IQCM: variants seen among roughly 807,000 people sequenced by gnomAD.
IQCM encodes the protein IQ motif containing M, also known as IQ domain-containing protein M.
In IQCM, 45 loss-of-function variants were observed where a neutral mutation model predicts 57.6. The observed-to-expected ratio is 0.78, with a 90% CI of 0.62 to 1.00. The LOEUF is 1.00. Ranked by LOEUF, IQCM falls within the 50% of genes least tolerant of loss-of-function variation. The pLI is 0.00. For synonymous variants in IQCM, 148 were observed against 158.9 expected, an observed-to-expected ratio of 0.93 and a Z score of 0.51; for missense variants, 468 against 511.6, an observed-to-expected ratio of 0.91 and a Z score of 0.82.
intron 5 of IQCM, among the ~76,000 whole-genome samples, chr4:149,716,535 G>A (rs1217134136): frequency 1.3e-5 from 2 of 152,156 alleles, no homozygotes; most frequent in Non-Finnish European, 2.9e-5. Context: ...ATCCTCCAAC[G>A]CGGAAGAGGG....
chr4:149,429,404 T>C (rs1479354407), intron 13 of IQCM, among the ~76,000 whole-genome samples: 1 of 151,936 alleles, frequency 6.6e-6, no homozygotes, highest in Non-Finnish European at 1.5e-5. Context: ...AGAAATTCTT[T>C]GTGCCTATTA....
intron 13 of IQCM, among the ~76,000 whole-genome samples, chr4:149,355,654 T>G (rs975643227): frequency 1.3e-5 from 2 of 152,216 alleles, no homozygotes; most frequent in African/African-American, 4.8e-5. Context: ...TGTTGCACAT[T>G]TGGGTTGATT....
At chr4:149,795,648 A>G (rs1002126908) in intron 2 of IQCM, among the ~76,000 whole-genome samples, 6 of 152,138 alleles carry the variant, frequency 3.9e-5, no homozygotes, top group African/African-American at 1.4e-4. Context: ...CAGAGCTCCT[A>G]CCTCCAAAAG....
rs1022698896 is a variant in IQCM, at chr4:149,789,241, G to A, written c.-49+26070C>T. On this transcript the variant is annotated intron_variant, in intron 2 of 13. Transcript: ENST00000636793. ...CTTGACCATTAGGTATTCTATGCAC[G>A]CAACAAAATATCACATGGACCCCAT... Among the ~76,000 whole-genome samples, 7 of 152,034 alleles carry A rather than the reference G, an allele frequency of 4.6e-5. No individual in the cohort carries two copies. In the East Asian group the frequency reaches 5.8e-4, roughly 13 times the overall value.
intron 2 of IQCM, among the ~76,000 whole-genome samples, chr4:149,782,055 C>A (rs1771652223): frequency 6.6e-6 from 1 of 152,130 alleles, no homozygotes; most frequent in South Asian, 2.1e-4. Context: ...ACAGCCCTAA[C>A]ACTTATTTGC....
At chr4:149,717,271 G>A (rs916800951) in intron 5 of IQCM, among the ~76,000 whole-genome samples, 1 of 152,088 alleles carries the variant, frequency 6.6e-6, no homozygotes, top group African/African-American at 2.4e-5. Flanking sequence ...CTCAACCTAT[G>A]GGATCTGATG....
intron 2 of IQCM, among the ~76,000 whole-genome samples, chr4:149,765,564 G>T (rs1367793455): frequency 1.3e-5 from 2 of 151,892 alleles, no homozygotes; most frequent in East Asian, 1.9e-4. Flanking sequence ...AGTCCCTTCT[G>T]GTTGGGGACT....
intron 12 of IQCM, among the ~76,000 whole-genome samples, chr4:149,495,042 A>G (rs1401654608): frequency 1.3e-5 from 2 of 152,062 alleles, no homozygotes; most frequent in Non-Finnish European, 2.9e-5. Context: ...TTAGCGGAGA[A>G]AGTAAGAAAA....
chr4:149,710,155 C>CTA (rs1292071547), intron 5 of IQCM, among the ~76,000 whole-genome samples: 2 of 152,028 alleles, frequency 1.3e-5, no homozygotes, highest in East Asian at 1.9e-4. Context: ...TAATTATGCC[C>CTA]TATAAGTAAA....
At chr4:149,371,797 T>C (rs985206131) in intron 13 of IQCM, among the ~76,000 whole-genome samples, 3 of 152,174 alleles carry the variant, frequency 2.0e-5, no homozygotes, top group Admixed American at 2.0e-4. Flanking sequence ...ACTGAAGAGA[T>C]AAAACATTGC....
chr4:149,607,597 A>G (rs540335721), intron 8 of IQCM, among the ~76,000 whole-genome samples: 14 of 152,170 alleles, frequency 9.2e-5, no homozygotes, highest in African/African-American at 3.4e-4. Context: ...TAAATAATAT[A>G]AAAGATAAAT....
At chr4:149,363,474 G>A (rs1048972165) in intron 13 of IQCM, among the ~76,000 whole-genome samples, 5 of 152,160 alleles carry the variant, frequency 3.3e-5, no homozygotes, top group Admixed American at 2.0e-4. Flanking sequence ...AGACAGCAGA[G>A]ATTGTGACTA....
Position 149,723,271 on chromosome 4 carries a change from G to A in IQCM, c.385+9973C>T, listed in dbSNP as rs148493338. Among the ~76,000 whole-genome samples, 391 of 151,878 alleles carry A rather than the reference G, an allele frequency of 2.6e-3. 2 individuals are homozygous for A. Among genetic ancestry groups the A allele is most frequent in the Admixed American group, 6.7e-3 (102 of 15,248 alleles). ...ACTTCCTCTTTTCTAATTTGGATGC[G>A]TCTTATTTCTTTCTCTTGCCTGATT... is the stretch of plus-strand genomic sequence containing the variant. On this transcript the variant is annotated intron_variant, in intron 5 of 13. Coordinates refer to ENST00000636793, the MANE Select transcript of IQCM (RefSeq NM_001363507.2).
At chr4:149,358,343 G>A (rs1362687717) in intron 13 of IQCM, among the ~76,000 whole-genome samples, 1 of 152,160 alleles carries the variant, frequency 6.6e-6, no homozygotes, top group African/African-American at 2.4e-5. Flanking sequence ...ATGTTAGGGT[G>A]TCGATTTTAG....
chr4:149,682,671 T>C (rs1023579972), intron 6 of IQCM, among the ~76,000 whole-genome samples: 2 of 151,206 alleles, frequency 1.3e-5, no homozygotes, highest in Non-Finnish European at 3.0e-5. Flanking sequence ...TACCCTGATA[T>C]TTTAGTAATA....
intron 13 of IQCM, among the ~76,000 whole-genome samples, chr4:149,390,655 A>G (rs996071788): frequency 7.2e-5 from 11 of 151,948 alleles, no homozygotes; most frequent in African/African-American, 1.2e-4. Context: ...ATTTTGTCAC[A>G]TAATTTTTCT....
chr4:149,775,866 G>A (rs1387024857), intron 2 of IQCM, among the ~76,000 whole-genome samples: 1 of 152,128 alleles, frequency 6.6e-6, no homozygotes, highest in Non-Finnish European at 1.5e-5. Flanking sequence ...GAGCTACGTG[G>A]GGTTGGTAAC....
chr4:149,644,457 T>G (rs983307181), intron 7 of IQCM, among the ~76,000 whole-genome samples: 2 of 152,254 alleles, frequency 1.3e-5, no homozygotes, highest in African/African-American at 4.8e-5. Context: ...TGTTTTGCTT[T>G]TATTGATAAA....
chr4:149,540,478 C>G (rs1032396541), intron 12 of IQCM, among the ~76,000 whole-genome samples: 2 of 151,658 alleles, frequency 1.3e-5, no homozygotes, highest in African/African-American at 4.8e-5. Context: ...AAAAGCAGAT[C>G]AGTGGTTGGT....
Sources: gnomAD v4.1 joint callset for allele counts (sites outside exome capture counted in the v4.1 genomes callset) on GRCh38, gnomAD v4.1.1 for gene constraint, MANE v1.5 for transcripts, NCBI Gene and HGNC (gene_info 2026-07-23, HGNC 2026-07-21) for gene names.